The following SEMA3E variants were observed in gnomAD, a reference collection of about 807,000 sequenced individuals.
SEMA3E encodes the protein semaphorin-3E.
A neutral mutation model predicts 93.6 loss-of-function variants in SEMA3E; 49 were observed. The ratio of observed to expected loss-of-function variants is 0.52; its 90% confidence interval spans 0.42 to 0.66. SEMA3E has a LOEUF of 0.66. Among genes scored for constraint, SEMA3E ranks in the 30% least tolerant of loss-of-function variants. The pLI is 0.00. For synonymous variants in SEMA3E, 363 were observed against 330.7 expected, an observed-to-expected ratio of 1.10 and a Z score of -1.06; for missense variants, 906 against 964.8, an observed-to-expected ratio of 0.94 and a Z score of 0.81.
chr7:83,648,697 G>A lies in SEMA3E; in HGVS notation c.-155C>T. 2 of 697,338 alleles carry A rather than the reference G, an allele frequency of 2.9e-6. No individual in the cohort carries two copies. Among genetic ancestry groups the A allele is most frequent in the East Asian group, 2.7e-5 (1 of 36,832 alleles). The allele number at this position is 697,338 out of a possible 1,614,324, so 43.2% of individuals were successfully genotyped here. ...ACAGTTCCGAAGTGCCATTTGTCAG[G>A]CTGTATTTGGCTATGTAAAACCTTT... On this transcript the variant is annotated 5_prime_UTR_variant, in exon 1 of 17. Transcript: ENST00000643230.
chr7:83,449,635 A>G (rs922453387), intron 4 of SEMA3E, among the ~76,000 whole-genome samples: 11 of 152,150 alleles, frequency 7.2e-5, no homozygotes, highest in Admixed American at 5.2e-4. Flanking sequence ...AATGAGAACT[A>G]TACAGCACAT....
At chr7:83,409,967 G>A (rs1788406785) in intron 5 of SEMA3E, among the ~76,000 whole-genome samples, 1 of 151,154 alleles carries the variant, frequency 6.6e-6, no homozygotes, top group Non-Finnish European at 1.5e-5. Flanking sequence ...ATATTTTAAA[G>A]GTAAAGATGA....
chr7:83,383,617 G>C (rs1471526550), intron 16 of SEMA3E, among the ~76,000 whole-genome samples: 1 of 151,826 alleles, frequency 6.6e-6, no homozygotes, highest in African/African-American at 2.4e-5. Flanking sequence ...CATTAGTTGG[G>C]GAAATTTGAA....
intron 4 of SEMA3E, among the ~76,000 whole-genome samples, chr7:83,429,877 T>C (rs1179220606): frequency 2.0e-5 from 3 of 152,182 alleles, no homozygotes; most frequent in Non-Finnish European, 2.9e-5. Flanking sequence ...GAAAATGCTG[T>C]TTAAAAATGA....
chr7:83,552,064 A>T (rs2115804173), intron 1 of SEMA3E, among the ~76,000 whole-genome samples: 1 of 152,262 alleles, frequency 6.6e-6, no homozygotes, highest in South Asian at 2.1e-4. Flanking sequence ...GCCCTACCAT[A>T]GTTCTGACCC....
intron 1 of SEMA3E, among the ~76,000 whole-genome samples, chr7:83,517,684 A>T (rs1359800700): frequency 6.6e-6 from 1 of 152,150 alleles, no homozygotes; most frequent in African/African-American, 2.4e-5. Flanking sequence ...TAAATAGAAG[A>T]AAGGAAAAAG....
intron 4 of SEMA3E, among the ~76,000 whole-genome samples, chr7:83,422,694 T>C (rs1788689185): frequency 6.6e-6 from 1 of 152,236 alleles, no homozygotes; most frequent in African/African-American, 2.4e-5. Context: ...GTTTTTGATG[T>C]CTAATGACTG....
At chr7:83,386,959 A>G in intron 15 of SEMA3E, 24 bp downstream of exon 15, 1 of 1,607,828 alleles carries the variant, frequency 6.2e-7, no homozygotes, top group Non-Finnish European at 8.5e-7. Context: ...AGTAACCCAG[A>G]ACAACTGATT....
chr7:83,466,639 A>G lies in SEMA3E; in HGVS notation c.337-38T>C, dbSNP rs7806439. 529,778 of 1,607,764 alleles carry G rather than the reference A, an allele frequency of 0.33. 89,795 individuals are homozygous for G. The highest frequency in any genetic ancestry group is 0.44 in the South Asian group (40,057 of 91,012). ...AAAAAGGGAAGGAATCTATCAGTAT[A>G]ATAAACATGTTTCGTCCTTTTTGAT... On this transcript the variant is annotated intron_variant, in intron 3 of 16. Transcript: ENST00000643230.
At chr7:83,454,431 G>A (rs984192825) in intron 4 of SEMA3E, among the ~76,000 whole-genome samples, 13 of 151,564 alleles carry the variant, frequency 8.6e-5, no homozygotes, top group Non-Finnish European at 1.6e-4. Flanking sequence ...AAAGTGGTTT[G>A]TAAAATTAAG....
intron 2 of SEMA3E, among the ~76,000 whole-genome samples, chr7:83,489,144 G>A (rs1790326311): frequency 6.6e-6 from 1 of 152,042 alleles, no homozygotes; most frequent in Non-Finnish European, 1.5e-5. Context: ...CAAGTGATTG[G>A]AGGGTTGCTG....
At chr7:83,427,462 A>G (rs913474026) in intron 4 of SEMA3E, among the ~76,000 whole-genome samples, 11 of 152,126 alleles carry the variant, frequency 7.2e-5, no homozygotes, top group Non-Finnish European at 1.5e-4. Context: ...ACTTTATGCA[A>G]CTGAGATGTG....
At chr7:83,465,722 A>T (rs1789741468) in intron 4 of SEMA3E, among the ~76,000 whole-genome samples, 1 of 152,214 alleles carries the variant, frequency 6.6e-6, no homozygotes, top group South Asian at 2.1e-4. Context: ...TGTAGATGAA[A>T]AATAACAGAT....
At chr7:83,449,837 G>A (rs1366469197) in intron 4 of SEMA3E, among the ~76,000 whole-genome samples, 1 of 152,222 alleles carries the variant, frequency 6.6e-6, no homozygotes, top group South Asian at 2.1e-4. Flanking sequence ...GTTTTAAACA[G>A]CACAGAAGGG....
At chr7:83,618,856 A>G (rs1161695677) in intron 1 of SEMA3E, among the ~76,000 whole-genome samples, 1 of 151,984 alleles carries the variant, frequency 6.6e-6, no homozygotes, top group Non-Finnish European at 1.5e-5. Flanking sequence ...ATTGTTATAC[A>G]TAATGGTTTA....
chr7:83,551,662 C>G (rs1480783430), intron 1 of SEMA3E, among the ~76,000 whole-genome samples: 1 of 152,114 alleles, frequency 6.6e-6, no homozygotes, highest in African/African-American at 2.4e-5. Context: ...CATTTGAATA[C>G]ATGAACAATA....
intron 4 of SEMA3E, among the ~76,000 whole-genome samples, chr7:83,424,703 TG>T (rs1788735610): frequency 6.6e-6 from 1 of 152,186 alleles, no homozygotes; most frequent in African/African-American, 2.4e-5. Flanking sequence ...TGTGATCAAG[TG>T]AAAGACCTTG....
At chr7:83,455,247 A>C (rs1210992635) in intron 4 of SEMA3E, among the ~76,000 whole-genome samples, 1 of 152,226 alleles carries the variant, frequency 6.6e-6, no homozygotes, top group Non-Finnish European at 1.5e-5. Context: ...GCAGCAGTCT[A>C]TATTCAAATG....
At position 83,645,180 on chromosome 7, in the gene SEMA3E, A is replaced by G. The variant is rs1192863874; in HGVS notation, c.115+3248T>C. 2.0e-5 allele frequency among the ~76,000 whole-genome samples: 3 copies of G among 152,008 alleles called. No homozygotes were observed. In the East Asian group the frequency reaches 5.8e-4, roughly 29 times the overall value. On this transcript the variant is annotated intron_variant, in intron 1 of 16. Transcript: ENST00000643230. ...GAGAGAACAGATATCAACAGAAGGA[A>G]GTAGATGAATCCACCAGGACTTTTC...
Sources: allele counts gnomAD v4.1 joint callset (sites outside exome capture counted in the v4.1 genomes callset), GRCh38; gene constraint gnomAD v4.1.1; transcripts MANE v1.5; gene names NCBI Gene and HGNC (gene_info 2026-07-23, HGNC 2026-07-21).